Variants in CDH13 observed in about 807,000 individuals in gnomAD.
CDH13 encodes cadherin-13.
In CDH13, 24 loss-of-function variants were observed where a neutral mutation model predicts 63.8. That is an observed-to-expected ratio of 0.38 (90% CI 0.27 to 0.53). CDH13 has a LOEUF of 0.53. CDH13 is among the 20% of genes least tolerant of loss of function. The pLI is 0.85. For synonymous variants in CDH13, 503 were observed against 355.3 expected (o/e 1.42, Z -4.67); for missense variants, 1,049 against 903.1 (o/e 1.16, Z -2.07).
chr16:83,490,823 C>A (rs1384812006), intron 7 of CDH13, among the ~76,000 whole-genome samples: 3 of 152,216 alleles, frequency 2.0e-5, no homozygotes, highest in African/African-American at 7.2e-5. Context: ...CAAGTTTCCC[C>A]AAGACATGTG....
intron 3 of CDH13, among the ~76,000 whole-genome samples, chr16:83,056,665 T>G (rs1474028431): frequency 6.6e-6 from 1 of 152,090 alleles, no homozygotes; most frequent in African/African-American, 2.4e-5. Context: ...TGATATGGTT[T>G]GGCCGTGTCA....
chr16:82,704,651 G>A (rs946125069), intron 1 of CDH13, among the ~76,000 whole-genome samples: 2 of 152,202 alleles, frequency 1.3e-5, no homozygotes, highest in Non-Finnish European at 2.9e-5. Flanking sequence ...GGCCTGGGGG[G>A]TCCAGGAAGG....
chr16:83,443,597 C>G (rs1242743601), intron 6 of CDH13, among the ~76,000 whole-genome samples: 1 of 151,088 alleles, frequency 6.6e-6, no homozygotes, highest in South Asian at 2.1e-4. Context: ...TCAGACTGGG[C>G]TGGTGGTTCA....
At chr16:83,769,272 T>C (rs1269733302) in intron 11 of CDH13, among the ~76,000 whole-genome samples, 1 of 152,012 alleles carries the variant, frequency 6.6e-6, no homozygotes, top group African/African-American at 2.4e-5. Flanking sequence ...ATAGGAACAA[T>C]GGGGATGCAA....
intron 2 of CDH13, among the ~76,000 whole-genome samples, chr16:82,921,795 T>A (rs2042163474): frequency 6.6e-6 from 1 of 151,974 alleles, no homozygotes; most frequent in East Asian, 1.9e-4. Context: ...TCCTCCTATA[T>A]TTTTTGGGAG....
intron 1 of CDH13, among the ~76,000 whole-genome samples, chr16:82,653,349 A>G (rs1244174194): frequency 1.3e-5 from 2 of 152,192 alleles, no homozygotes; most frequent in Non-Finnish European, 2.9e-5. Context: ...AAAATAAATA[A>G]AAGTATGCTC....
In CDH13 at chr16:83,276,323, A is replaced by G. The variant is rs541954857; in HGVS notation, c.636+58826A>G. On this transcript the variant is annotated intron_variant, in intron 5 of 13. Transcript: ENST00000567109. ...ATTCTACAAGATGGCCCCTCATTGA[A>G]TAAGTTGAGGGTTTCCTCTTGTTCT... Among the ~76,000 whole-genome samples, 11 of 152,162 alleles carry G rather than the reference A, an allele frequency of 7.2e-5. No individual in the cohort carries two copies. In the South Asian group the frequency reaches 2.1e-3, roughly 29 times the overall value.
Position 82,691,093 on chromosome 16 carries a change from A to G in CDH13, c.45+63956A>G, listed in dbSNP as rs572074503. Among the ~76,000 whole-genome samples the G allele has an allele frequency of 1.6e-4, 25 of 152,366 alleles. No individual in the cohort carries two copies. In the South Asian group the frequency reaches 2.9e-3, roughly 18 times the overall value. ...TTCAGCAAATATTTATTGGGCATCT[A>G]TGGTGTACCAGGCGCTGCACTGGAC... On this transcript the variant is annotated intron_variant, in intron 1 of 13. Coordinates refer to ENST00000567109, the MANE Select transcript of CDH13 (RefSeq NM_001257.5).
intron 1 of CDH13, among the ~76,000 whole-genome samples, chr16:82,709,956 C>T (rs1004369968): frequency 3.3e-5 from 5 of 152,110 alleles, no homozygotes; most frequent in African/African-American, 4.8e-5. Flanking sequence ...GGATAAGCTA[C>T]ATAAGGGATG....
chr16:83,312,470 T>G (rs1198833090), intron 5 of CDH13, among the ~76,000 whole-genome samples: 1 of 152,180 alleles, frequency 6.6e-6, no homozygotes, highest in Non-Finnish European at 1.5e-5. Context: ...GAATAAGTCC[T>G]CTCCAACCAC....
Position 83,620,846 on chromosome 16 carries a change from C to T in CDH13, c.1101+18252C>T, listed in dbSNP as rs563185664. Among the ~76,000 whole-genome samples, 32 of 152,298 alleles carry T rather than the reference C, an allele frequency of 2.1e-4. No homozygotes were observed. In the East Asian group the frequency reaches 5.6e-3, roughly 27 times the overall value. Reference sequence around the variant, plus strand: ...CAAGTTGCAAGTGTCCTATCAAGAACGGCAATTGTGTCGTGAGTTTCTGTG... The same window carrying T: ...CAAGTTGCAAGTGTCCTATCAAGAATGGCAATTGTGTCGTGAGTTTCTGTG... On this transcript the variant is annotated intron_variant, in intron 8 of 13. Transcript: ENST00000567109.
chr16:83,205,189 A>G (rs1456962020), intron 4 of CDH13, among the ~76,000 whole-genome samples: 1 of 152,222 alleles, frequency 6.6e-6, no homozygotes, highest in Admixed American at 6.5e-5. Context: ...ACCAAAGGCA[A>G]AGCCAAGGAG....
chr16:82,670,814 A>C (rs544574178), intron 1 of CDH13, among the ~76,000 whole-genome samples: 1 of 152,366 alleles, frequency 6.6e-6, no homozygotes, highest in South Asian at 2.1e-4. Context: ...ATATCATTTC[A>C]GAACATCTGG....
intron 4 of CDH13, among the ~76,000 whole-genome samples, chr16:83,138,938 T>C (rs1005340587): frequency 2.0e-5 from 3 of 151,956 alleles, no homozygotes; most frequent in Admixed American, 6.6e-5. Flanking sequence ...AGTGAGGAGG[T>C]AGAGGAAGGT....
At chr16:82,762,190 C>T (rs139163630) in intron 1 of CDH13, among the ~76,000 whole-genome samples, 3 of 152,240 alleles carry the variant, frequency 2.0e-5, no homozygotes, top group African/African-American at 7.2e-5. Context: ...ACTCTCTCTT[C>T]CCAAAGATGA....
intron 1 of CDH13, chr16:82,705,251 A>C (rs2031395174): frequency 6.8e-6 from 3 of 438,528 alleles, no homozygotes; most frequent in Non-Finnish European, 9.1e-6. Flanking sequence ...GTGCGGCTGC[A>C]CTTCAAGAGA....
chr16:83,008,132 C>G (rs1325905265), intron 2 of CDH13, among the ~76,000 whole-genome samples: 1 of 151,992 alleles, frequency 6.6e-6, no homozygotes, highest in African/African-American at 2.4e-5. Context: ...TTTATGATAC[C>G]TTAAGCTTAC....
At chr16:83,026,329 C>G (rs1915796297) in intron 2 of CDH13, among the ~76,000 whole-genome samples, 1 of 152,168 alleles carries the variant, frequency 6.6e-6, no homozygotes, top group African/African-American at 2.4e-5. Flanking sequence ...AGAGAAGGTT[C>G]TCGCTCTAGG....
intron 4 of CDH13, among the ~76,000 whole-genome samples, chr16:83,160,633 A>G (rs2037408886): frequency 6.6e-6 from 1 of 152,162 alleles, no homozygotes; most frequent in Non-Finnish European, 1.5e-5. Context: ...TAATCCTACA[A>G]ACCTCTCCAG....
Sources: gnomAD v4.1 joint callset for allele counts (sites outside exome capture counted in the v4.1 genomes callset) on GRCh38, gnomAD v4.1.1 for gene constraint, MANE v1.5 for transcripts, NCBI Gene and HGNC (gene_info 2026-07-23, HGNC 2026-07-21) for gene names.